LARGE1: variants seen among roughly 807,000 people sequenced by gnomAD.
The protein encoded by LARGE1 is xylosyl- and glucuronyltransferase LARGE1.
A neutral mutation model predicts 87.6 loss-of-function variants in LARGE1; 43 were observed. The ratio of observed to expected loss-of-function variants is 0.49; its 90% confidence interval spans 0.38 to 0.63. The LOEUF is 0.63. Ranked by LOEUF, LARGE1 falls within the 30% of genes least tolerant of loss-of-function variation. The pLI is 0.00. For synonymous variants in LARGE1, 434 were observed against 394.6 expected (o/e 1.10, Z -1.18); for missense variants, 802 against 1,000.2 (o/e 0.80, Z 2.67).
chr22:33,817,904 G>A (rs2086703893), intron 1 of LARGE1, among the ~76,000 whole-genome samples: 1 of 131,072 alleles, frequency 7.6e-6, no homozygotes, highest in Non-Finnish European at 1.8e-5. Context: ...AGCTGAAGGA[G>A]GGAGGAAAGG....
chr22:33,537,057 T>A (rs1053574680), intron 6 of LARGE1, among the ~76,000 whole-genome samples: 1 of 152,206 alleles, frequency 6.6e-6, no homozygotes, highest in Non-Finnish European at 1.5e-5. Flanking sequence ...GTTATCTGCC[T>A]GCCTCGGCCT....
intron 6 of LARGE1, among the ~76,000 whole-genome samples, chr22:33,488,134 C>T (rs547372591): frequency 9.2e-5 from 14 of 152,152 alleles, no homozygotes; most frequent in Non-Finnish European, 1.6e-4. Context: ...TTCCAAATGT[C>T]TAGAATTGTG....
chr22:33,542,104 T>C (rs1286715947), intron 6 of LARGE1, among the ~76,000 whole-genome samples: 2 of 147,316 alleles, frequency 1.4e-5, no homozygotes, highest in East Asian at 4.0e-4. Flanking sequence ...AGAGGTTGCA[T>C]TGAGCCGAGA....
At chr22:33,808,802 C>A (rs1397535623) in intron 1 of LARGE1, among the ~76,000 whole-genome samples, 2 of 152,212 alleles carry the variant, frequency 1.3e-5, no homozygotes, top group Non-Finnish European at 2.9e-5. Context: ...TAGTTGAAGA[C>A]AGACCCAGTA....
chr22:33,269,319 T>G (rs1184775856), downstream of LARGE1, among the ~76,000 whole-genome samples: 1 of 152,250 alleles, frequency 6.6e-6, no homozygotes, highest in African/African-American at 2.4e-5. Context: ...AAACCGTTTC[T>G]GTGAAAGTCT....
intron 4 of LARGE1, among the ~76,000 whole-genome samples, chr22:33,605,669 A>G (rs556213557): frequency 6.6e-6 from 1 of 152,358 alleles, no homozygotes; most frequent in African/African-American, 2.4e-5. Flanking sequence ...CTATTGTGCT[A>G]CTACAAATAA....
At chr22:33,113,759 A>G in the LARGE1 span, among the ~76,000 whole-genome samples, 2 of 152,202 alleles carry the variant, frequency 1.3e-5, no homozygotes, top group Non-Finnish European at 2.9e-5. Flanking sequence ...GTGTGCTTAG[A>G]CATTAGAACC....
intron 12 of LARGE1, among the ~76,000 whole-genome samples, chr22:33,290,765 G>A (rs757149693): frequency 1.6e-4 from 24 of 152,206 alleles, no homozygotes; most frequent in Non-Finnish European, 2.9e-4. Context: ...CCAGCTAGGC[G>A]CGGTGGCTCA....
At chr22:33,120,688 T>C in the LARGE1 span, among the ~76,000 whole-genome samples, 5 of 151,962 alleles carry the variant, frequency 3.3e-5, no homozygotes. Context: ...AGCTAATTTT[T>C]GTATTTTTAG....
chr22:33,616,832 T>C (rs577886167), intron 4 of LARGE1, among the ~76,000 whole-genome samples: 1 of 152,306 alleles, frequency 6.6e-6, no homozygotes, highest in South Asian at 2.1e-4. Flanking sequence ...ATGAGTAGTA[T>C]TGGGGCTGGG....
chr22:33,565,399 C>T (rs1262405248), intron 5 of LARGE1, among the ~76,000 whole-genome samples: 3 of 152,160 alleles, frequency 2.0e-5, no homozygotes, highest in Admixed American at 6.5e-5. Flanking sequence ...CTTTTGCAAC[C>T]AGTATCAAAT....
At chr22:33,722,288 G>GAGGGAGAGGAGGGAA (rs1569404451) in intron 2 of LARGE1, among the ~76,000 whole-genome samples, 1 of 139,908 alleles carries the variant, frequency 7.1e-6, no homozygotes, top group African/African-American at 2.6e-5. Flanking sequence ...AGAGGAGGGA[G>GAGGGAGAGGAGGGAA]AGGGAGAGGA....
At chr22:33,151,251 T>C in the LARGE1 span, among the ~76,000 whole-genome samples, 11 of 152,294 alleles carry the variant, frequency 7.2e-5, no homozygotes, top group East Asian at 3.9e-4. Context: ...TTTCCAATTG[T>C]TCACTGATAG....
chr22:33,463,163 G>T (rs937066126), intron 6 of LARGE1, among the ~76,000 whole-genome samples: 1 of 151,806 alleles, frequency 6.6e-6, no homozygotes, highest in Admixed American at 6.6e-5. Context: ...CTTGGTGGCC[G>T]CAATCTAGTA....
At position 33,273,749 on chromosome 22, in the gene LARGE1, C is replaced by T; in HGVS notation, c.*678G>A. 1 of 398,624 alleles carries T rather than the reference C, an allele frequency of 2.5e-6. No individual in the cohort carries two copies. The highest frequency in any genetic ancestry group is 4.4e-6 in the Non-Finnish European group (1 of 226,854). 24.7% of individuals were successfully genotyped at this position (398,624 alleles called of 1,614,324 possible). Reference sequence around the variant, plus strand: ...GAGGCAGCTGATTTTCCTTTAGAGCCTCAAAGGATCAGATTTTCTATTTTG... The same window carrying T: ...GAGGCAGCTGATTTTCCTTTAGAGCTTCAAAGGATCAGATTTTCTATTTTG... On this transcript the variant is annotated 3_prime_UTR_variant, in exon 15 of 15. Transcript: ENST00000397394.
chr22:33,908,260 G>C (rs570650706), intron 1 of LARGE1, among the ~76,000 whole-genome samples: 18 of 152,274 alleles, frequency 1.2e-4, no homozygotes, highest in Middle Eastern at 3.4e-3. Context: ...TTACTGAAAG[G>C]CTCCCGCTCT....
At chr22:33,727,183 A>G (rs1428061265) in intron 2 of LARGE1, among the ~76,000 whole-genome samples, 1 of 152,160 alleles carries the variant, frequency 6.6e-6, no homozygotes, top group African/African-American at 2.4e-5. Flanking sequence ...TCTATTTCTT[A>G]TGACAATATT....
chr22:33,672,384 A>T (rs534894565), intron 2 of LARGE1, among the ~76,000 whole-genome samples: 1 of 152,202 alleles, frequency 6.6e-6, no homozygotes, highest in Admixed American at 6.5e-5. Flanking sequence ...CAGAGCAACA[A>T]GCCTAACCTC....
At chr22:33,839,345 C>A (rs2063202555) in intron 1 of LARGE1, among the ~76,000 whole-genome samples, 1 of 152,172 alleles carries the variant, frequency 6.6e-6, no homozygotes, top group South Asian at 2.1e-4. Context: ...CAGTGCTAAC[C>A]CATTCATGAG....
Sources: allele counts gnomAD v4.1 joint callset (sites outside exome capture counted in the v4.1 genomes callset), GRCh38; gene constraint gnomAD v4.1.1; transcripts MANE v1.5; gene names NCBI Gene and HGNC (gene_info 2026-07-23, HGNC 2026-07-21).